The following ZCCHC17 variants were observed in gnomAD, a reference collection of about 807,000 sequenced individuals.
ZCCHC17 encodes the protein zinc finger CCHC-type containing 17.
Under a neutral mutation model 30.6 loss-of-function variants are expected in ZCCHC17, and 18 were observed. That is an observed-to-expected ratio of 0.59 (90% CI 0.41 to 0.87). ZCCHC17 has a LOEUF of 0.87. ZCCHC17 is among the 40% of genes least tolerant of loss of function. The pLI is 0.00. For synonymous variants in ZCCHC17, 88 were observed against 92.4 expected, an observed-to-expected ratio of 0.95 and a Z score of 0.27; for missense variants, 263 against 284.2, an observed-to-expected ratio of 0.93 and a Z score of 0.54.
intron 4 of ZCCHC17, 25 bp downstream of exon 4, chr1:31,337,300 T>TG: frequency 6.2e-7 from 1 of 1,601,074 alleles, no homozygotes; most frequent in Non-Finnish European, 8.6e-7. Context: ...GGCTCCCTTG[T>TG]GGTTAGAAAG....
At chr1:31,323,159 C>T (rs751505181) in intron 3 of ZCCHC17, among the ~76,000 whole-genome samples, 5 of 152,124 alleles carry the variant, frequency 3.3e-5, no homozygotes, top group Non-Finnish European at 5.9e-5. Context: ...ATAGTCCAAG[C>T]GTTTTAGGAA....
chr1:31,322,823 G>A (rs1329816106), intron 3 of ZCCHC17, among the ~76,000 whole-genome samples: 1 of 151,960 alleles, frequency 6.6e-6, no homozygotes, highest in African/African-American at 2.4e-5. Context: ...CCGGGTTCAA[G>A]CGTTTCTCCT....
chr1:31,330,120 T>C (rs1465382856), intron 3 of ZCCHC17, among the ~76,000 whole-genome samples: 2 of 152,224 alleles, frequency 1.3e-5, no homozygotes, highest in Non-Finnish European at 2.9e-5. Flanking sequence ...TTTTTTTGGC[T>C]GCAGCTGTCC....
chr1:31,348,881 G>C lies in ZCCHC17; in HGVS notation c.471G>C (p.Leu157=). 6.2e-7 allele frequency: 1 copy of C among 1,613,428 alleles called. No individual in the cohort carries two copies. The highest frequency in any genetic ancestry group is 1.1e-5 in the South Asian group (1 of 91,018). ...AACCAGGTGGGACTAAATACTCTCT[G>C]ATACCTGATGAGGAAGAGGAAAAGG... ...FMQPGGTKYS[L]IPDEEEEKEE... The change falls in exon 7 of 8, where the codon CTG becomes CTC. Residue 157 remains leucine (L), a synonymous_variant. Coordinates refer to ENST00000344147, the MANE Select transcript of ZCCHC17 (RefSeq NM_016505.4).
At chr1:31,355,336 C>T (rs1240443126) in intron 7 of ZCCHC17, among the ~76,000 whole-genome samples, 6 of 152,166 alleles carry the variant, frequency 3.9e-5, no homozygotes, top group Non-Finnish European at 7.3e-5. Context: ...GTTGTCTTTT[C>T]ACCTCATTGT....
At chr1:31,342,622 ATGC>A (rs1333850334) in intron 5 of ZCCHC17, among the ~76,000 whole-genome samples, 1 of 152,144 alleles carries the variant, frequency 6.6e-6, no homozygotes, top group Non-Finnish European at 1.5e-5. Context: ...TGAGAATCTA[ATGC>A]TGCTGCTGAT....
chr1:31,304,530 C>T (rs1023079549), intron 1 of ZCCHC17, among the ~76,000 whole-genome samples: 7 of 151,872 alleles, frequency 4.6e-5, no homozygotes, highest in Admixed American at 2.0e-4. Context: ...GTGATCCACC[C>T]GCCATGGCCT....
chr1:31,298,508 C>T (rs1646228345), intron 1 of ZCCHC17, among the ~76,000 whole-genome samples: 1 of 152,034 alleles, frequency 6.6e-6, no homozygotes, highest in Non-Finnish European at 1.5e-5. Context: ...GCCTTAGCCT[C>T]CCCAGTAGCT....
At chr1:31,348,541 G>C (rs537829946) in intron 6 of ZCCHC17, among the ~76,000 whole-genome samples, 3 of 152,268 alleles carry the variant, frequency 2.0e-5, no homozygotes, top group African/African-American at 7.2e-5. Context: ...AAGCCCCATT[G>C]TTAATGGAGG....
intron 1 of ZCCHC17, among the ~76,000 whole-genome samples, chr1:31,300,461 A>G (rs747081551): frequency 1.3e-5 from 2 of 152,076 alleles, no homozygotes; most frequent in African/African-American, 4.8e-5. Flanking sequence ...TGTTATTGCA[A>G]TACATCCCTT....
chr1:31,303,721 G>A (rs1162844139), intron 1 of ZCCHC17, among the ~76,000 whole-genome samples: 1 of 152,102 alleles, frequency 6.6e-6, no homozygotes, highest in Non-Finnish European at 1.5e-5. Flanking sequence ...AATTATTTGA[G>A]TTAAATTGCT....
chr1:31,363,296 G>C (rs1639994607), intron 7 of ZCCHC17, among the ~76,000 whole-genome samples: 1 of 150,138 alleles, frequency 6.7e-6, no homozygotes, highest in Admixed American at 6.7e-5. Flanking sequence ...CCATTCTCCT[G>C]TCTCAGCCTC....
At chr1:31,302,260 T>C (rs1270871979) in intron 1 of ZCCHC17, among the ~76,000 whole-genome samples, 1 of 152,078 alleles carries the variant, frequency 6.6e-6, no homozygotes, top group East Asian at 1.9e-4. Flanking sequence ...TTCCATCTGT[T>C]GATCTGTCCA....
intron 5 of ZCCHC17, among the ~76,000 whole-genome samples, chr1:31,342,024 G>T (rs1639066162): frequency 6.6e-6 from 1 of 152,098 alleles, no homozygotes; most frequent in Non-Finnish European, 1.5e-5. Flanking sequence ...CTGCCATTGT[G>T]CCTGATGTAT....
chr1:31,319,652 T>A (rs148400824), intron 3 of ZCCHC17, among the ~76,000 whole-genome samples: 1 of 152,218 alleles, frequency 6.6e-6, no homozygotes, highest in Admixed American at 6.5e-5. Flanking sequence ...TATAATCTTA[T>A]TTATTTACCA....
chr1:31,320,571 G>A (rs1646837779), intron 3 of ZCCHC17, among the ~76,000 whole-genome samples: 1 of 152,168 alleles, frequency 6.6e-6, no homozygotes, highest in Non-Finnish European at 1.5e-5. Context: ...GAATAATGCA[G>A]TATATAGTCT....
chr1:31,353,725 C>A (rs180838217), intron 7 of ZCCHC17, among the ~76,000 whole-genome samples: 21 of 151,006 alleles, frequency 1.4e-4, no homozygotes, highest in African/African-American at 5.1e-4. Flanking sequence ...TTTAAAACAC[C>A]ATAGGTTGAA....
chr1:31,297,158 C>T (rs898685960), intron 1 of ZCCHC17, 83 bp downstream of exon 1: 1 of 401,386 alleles, frequency 2.5e-6, no homozygotes, highest in African/African-American at 2.1e-5. Context: ...CTGCCCTTCT[C>T]AGCTGAGGGT....
chr1:31,319,777 T>C (rs1646818357), intron 3 of ZCCHC17, among the ~76,000 whole-genome samples: 1 of 152,198 alleles, frequency 6.6e-6, no homozygotes, highest in East Asian at 1.9e-4. Flanking sequence ...TCCTAGCCCC[T>C]GGATCTTTCT....
Sources: gnomAD v4.1 joint callset for allele counts (sites outside exome capture counted in the v4.1 genomes callset) on GRCh38, gnomAD v4.1.1 for gene constraint, MANE v1.5 for transcripts, NCBI Gene and HGNC (gene_info 2026-07-23, HGNC 2026-07-21) for gene names.